DPPA2: variants seen among roughly 807,000 people sequenced by gnomAD.
DPPA2 encodes developmental pluripotency associated 2.
A neutral mutation model predicts 36.2 loss-of-function variants in DPPA2; 26 were observed. That is an observed-to-expected ratio of 0.72 (90% CI 0.53 to 1.00). The LOEUF is 1.00. Among genes scored for constraint, DPPA2 ranks in the 50% least tolerant of loss-of-function variants. The pLI, the probability that DPPA2 is intolerant of heterozygous loss-of-function variation, is 0.00. For synonymous variants in DPPA2, 113 were observed against 123.2 expected (o/e 0.92, Z 0.55); for missense variants, 361 against 365.1 (o/e 0.99, Z 0.09).
chr3:109,296,902 C>A (rs1157945631), intron 8 of DPPA2, among the ~76,000 whole-genome samples: 2 of 151,882 alleles, frequency 1.3e-5, no homozygotes, highest in Non-Finnish European at 1.5e-5. Context: ...GCCTGGGCAA[C>A]ATGGCAAAAC....
intron 7 of DPPA2, 77 bp from the exon 8 acceptor site, chr3:109,300,512 G>T (rs1707438733): frequency 4.2e-6 from 6 of 1,417,118 alleles, no homozygotes; most frequent in South Asian, 1.2e-5. Context: ...CCTTTAAAAT[G>T]ACCAATAAAA....
intron 7 of DPPA2, among the ~76,000 whole-genome samples, chr3:109,301,966 A>C (rs370231552): frequency 1.7e-4 from 26 of 152,290 alleles, no homozygotes; most frequent in African/African-American, 6.0e-4. Context: ...GCAGTGTCCT[A>C]AACAGCCAGT....
chr3:109,308,485 C>T (rs1707621838), intron 5 of DPPA2, among the ~76,000 whole-genome samples, 192 bp from the exon 6 acceptor site: 1 of 152,174 alleles, frequency 6.6e-6, no homozygotes, highest in Non-Finnish European at 1.5e-5. Flanking sequence ...GCCTCAGCCT[C>T]CCTAGTAGCT....
At position 109,310,751 on chromosome 3, in the gene DPPA2, T is replaced by A. The variant is rs146013458; in HGVS notation, c.182-1421A>T. Among the ~76,000 whole-genome samples, 1,036 of 151,938 alleles carry A rather than the reference T, an allele frequency of 6.8e-3. 17 individuals are homozygous for A. Among genetic ancestry groups the A allele is most frequent in the East Asian group, 0.065 (331 of 5,076 alleles). On this transcript the variant is annotated intron_variant, in intron 3 of 8. Coordinates refer to ENST00000478945, the MANE Select transcript of DPPA2 (RefSeq NM_138815.4). ...GAACGCCTGACCTTGTGATCTGCCC[T>A]CCTTGGCCGCCCAAAGTGCTGGGAT...
intron 8 of DPPA2, among the ~76,000 whole-genome samples, chr3:109,295,003 A>G (rs548362550): frequency 2.6e-5 from 4 of 152,140 alleles, no homozygotes; most frequent in Non-Finnish European, 5.9e-5. Flanking sequence ...CCTGGACAAC[A>G]AGAGCGAAAC....
intron 5 of DPPA2, 37 bp downstream of exon 5, chr3:109,308,989 A>G: frequency 6.2e-7 from 1 of 1,613,628 alleles, no homozygotes; most frequent in Non-Finnish European, 8.5e-7. Context: ...TCATGATCAG[A>G]ACCCACCTTC....
intron 6 of DPPA2, among the ~76,000 whole-genome samples, chr3:109,305,008 T>C (rs989447563): frequency 6.6e-6 from 1 of 152,066 alleles, no homozygotes; most frequent in Admixed American, 6.6e-5. Flanking sequence ...TAGCTGGGCA[T>C]GGTGGCACAT....
chr3:109,298,475 G>C (rs1337024655), intron 8 of DPPA2, among the ~76,000 whole-genome samples: 1 of 143,960 alleles, frequency 6.9e-6, no homozygotes, highest in Non-Finnish European at 1.5e-5. Context: ...AGCCCTTTGG[G>C]AGCCCAAGGC....
At chr3:109,312,469 G>A in intron 3 of DPPA2, 76 bp downstream of exon 3, 1 of 1,522,672 alleles carries the variant, frequency 6.6e-7, no homozygotes, top group South Asian at 1.3e-5. Flanking sequence ...CAGAGGATAG[G>A]AAAGACAAAT....
intron 7 of DPPA2, among the ~76,000 whole-genome samples, chr3:109,302,982 G>A (rs1410625989): frequency 6.6e-6 from 1 of 152,116 alleles, no homozygotes; most frequent in African/African-American, 2.4e-5. Context: ...ATGACTTACA[G>A]GATAATGTAG....
At chr3:109,313,042 T>G (rs1707736821) in intron 2 of DPPA2, among the ~76,000 whole-genome samples, 1 of 152,192 alleles carries the variant, frequency 6.6e-6, no homozygotes, top group African/African-American at 2.4e-5. Flanking sequence ...TGTTCCTGCC[T>G]TTCCATCTTC....
chr3:109,298,325 T>C lies in DPPA2; in HGVS notation c.*22+2046A>G, dbSNP rs1174810513. 2.6e-5 allele frequency among the ~76,000 whole-genome samples: 4 copies of C among 152,230 alleles called. No homozygotes were observed. The East Asian group carries it at 7.8e-4, about 30-fold the overall frequency. ...TGCTCGGTGTAGAGGCTCACACCTG[T>C]AATCCCTGAACTCAGGGAGCCTGAG... On this transcript the variant is annotated intron_variant, in intron 8 of 8. Coordinates refer to ENST00000478945, the MANE Select transcript of DPPA2 (RefSeq NM_138815.4).
At chr3:109,300,548 G>A (rs1198919289) in intron 7 of DPPA2, 113 bp from the exon 8 acceptor site, 8 of 1,049,226 alleles carry the variant, frequency 7.6e-6, no homozygotes, top group Non-Finnish European at 1.2e-5. Context: ...TGGGCCGGGT[G>A]TGGTGGCTCA....
intron 8 of DPPA2, chr3:109,295,644 T>TATAG (rs1178299266): frequency 7.3e-5 from 11 of 151,172 alleles, no homozygotes; most frequent in Non-Finnish European, 8.8e-5. Context: ...TACATATAGA[T>TATAG]AGAGAGACAA....
At chr3:109,299,230 G>C (rs1707413592) in intron 8 of DPPA2, among the ~76,000 whole-genome samples, 1 of 151,308 alleles carries the variant, frequency 6.6e-6, no homozygotes, top group African/African-American at 2.4e-5. Context: ...AATTGACTGG[G>C]GGCTGGGTGC....
rs976015156 is a variant in DPPA2, at chr3:109,299,283, C to T, written c.*22+1088G>A. Among the ~76,000 whole-genome samples, 5 of 151,898 alleles carry T rather than the reference C, an allele frequency of 3.3e-5. No homozygotes were observed. In the South Asian group the frequency reaches 6.2e-4, roughly 19 times the overall value. ...ATCCCAGCACTTTGGGAAACCGAAGCGGGTGGATCCCAAGATTAGGAGTTC... is the reference window on the plus strand; with the variant it reads ...ATCCCAGCACTTTGGGAAACCGAAGTGGGTGGATCCCAAGATTAGGAGTTC... On this transcript the variant is annotated intron_variant, in intron 8 of 8. Coordinates refer to ENST00000478945, the MANE Select transcript of DPPA2 (RefSeq NM_138815.4).
rs566867015 is a variant in DPPA2, at chr3:109,312,430, G to A, written c.181+115C>T. On this transcript the variant is annotated intron_variant, in intron 3 of 8. Transcript: ENST00000478945. ...AAAATTTCTTAACACAGATTAACAAGGTGAGATTTAAGCTGGGTGTTGTAT... is the reference window on the plus strand; with the variant it reads ...AAAATTTCTTAACACAGATTAACAAAGTGAGATTTAAGCTGGGTGTTGTAT... 3,476 of 1,308,824 alleles carry A rather than the reference G, an allele frequency of 2.7e-3. 8 individuals carry two copies. Among genetic ancestry groups the A allele is most frequent in the Non-Finnish European group, 3.4e-3 (3,278 of 967,396 alleles). 81.1% of individuals were successfully genotyped at this position (1,308,824 alleles called of 1,614,324 possible). A position where few individuals can be genotyped will look rare whatever the true frequency, so the allele number is the denominator to read the frequency against.
intron 8 of DPPA2, among the ~76,000 whole-genome samples, chr3:109,299,667 C>T (rs1349843719): frequency 2.0e-5 from 2 of 100,058 alleles, no homozygotes; most frequent in Non-Finnish European, 3.9e-5. Flanking sequence ...GCCTGGGCGA[C>T]AAGAATGAGA....
chr3:109,314,972 G>A (rs1707765297), intron 1 of DPPA2, among the ~76,000 whole-genome samples: 1 of 152,130 alleles, frequency 6.6e-6, no homozygotes, highest in Non-Finnish European at 1.5e-5. Flanking sequence ...AGGGGTTGGT[G>A]GGAGGACTGC....
Sources: allele counts gnomAD v4.1 joint callset (sites outside exome capture counted in the v4.1 genomes callset), GRCh38; gene constraint gnomAD v4.1.1; transcripts MANE v1.5; gene names NCBI Gene and HGNC (gene_info 2026-07-23, HGNC 2026-07-21).